The following CDH13 variants were observed in gnomAD, a reference collection of about 807,000 sequenced individuals.
CDH13 encodes cadherin 13, also known as cadherin-13.
Under a neutral mutation model 63.8 loss-of-function variants are expected in CDH13, and 24 were observed. The observed-to-expected ratio is 0.38, with a 90% CI of 0.27 to 0.53. The LOEUF is 0.53. CDH13 is among the 20% of genes least tolerant of loss of function. The pLI is 0.85. For missense variants in CDH13, 1,049 were observed against 903.1 expected, an observed-to-expected ratio of 1.16 and a Z score of -2.07; for synonymous variants, 503 against 355.3, an observed-to-expected ratio of 1.42 and a Z score of -4.67.
chr16:83,087,612 G>A (rs929675011), intron 3 of CDH13, among the ~76,000 whole-genome samples: 4 of 130,532 alleles, frequency 3.1e-5, no homozygotes, highest in Middle Eastern at 6.3e-3. Context: ...AGGTCACAGC[G>A]AGCCAAAACC....
intron 10 of CDH13, among the ~76,000 whole-genome samples, chr16:83,732,433 A>C (rs1449516507): frequency 6.6e-6 from 1 of 152,178 alleles, no homozygotes; most frequent in South Asian, 2.1e-4. Context: ...GTGGGAGGTG[A>C]GCAGTGATCA....
chr16:82,937,615 A>G (rs2042712063), intron 2 of CDH13, among the ~76,000 whole-genome samples: 1 of 152,240 alleles, frequency 6.6e-6, no homozygotes. Context: ...ATTGCAAGCC[A>G]GTTGCAAACA....
intron 1 of CDH13, among the ~76,000 whole-genome samples, chr16:82,797,964 C>G (rs1028779393): frequency 6.6e-6 from 1 of 152,102 alleles, no homozygotes; most frequent in Admixed American, 6.6e-5. Flanking sequence ...GTGTAGTGGT[C>G]TCTCCTGTCA....
intron 8 of CDH13, among the ~76,000 whole-genome samples, chr16:83,652,372 C>T (rs1276736039): frequency 6.6e-6 from 1 of 152,150 alleles, no homozygotes; most frequent in Non-Finnish European, 1.5e-5. Flanking sequence ...TGTCAATCTC[C>T]CTACAGCTCT....
intron 2 of CDH13, among the ~76,000 whole-genome samples, chr16:83,001,439 C>G (rs559775868): frequency 6.6e-6 from 1 of 152,356 alleles, no homozygotes; most frequent in South Asian, 2.1e-4. Context: ...ATTTTTTCAT[C>G]TCTTCCTGCT....
At chr16:83,311,995 C>A (rs1283562188) in intron 5 of CDH13, among the ~76,000 whole-genome samples, 2 of 151,450 alleles carry the variant, frequency 1.3e-5, no homozygotes, top group South Asian at 4.2e-4. Context: ...ATCACTTGAA[C>A]CCGGGAGGCG....
At chr16:83,202,416 G>A (rs1052284871) in intron 4 of CDH13, among the ~76,000 whole-genome samples, 25 of 152,182 alleles carry the variant, frequency 1.6e-4, no homozygotes, top group African/African-American at 5.1e-4. Flanking sequence ...CAATGGGGTG[G>A]GGGGCCCTGG....
At chr16:82,767,637 C>T (rs1567513905) in intron 1 of CDH13, among the ~76,000 whole-genome samples, 1 of 152,198 alleles carries the variant, frequency 6.6e-6, no homozygotes, top group Non-Finnish European at 1.5e-5. Context: ...CTTTCCATCA[C>T]TCCCTGGACT....
intron 6 of CDH13, among the ~76,000 whole-genome samples, chr16:83,434,495 C>G (rs1056578185): frequency 6.6e-6 from 1 of 152,058 alleles, no homozygotes; most frequent in Non-Finnish European, 1.5e-5. Context: ...CTCTCCCATG[C>G]CCACTGAAGT....
intron 4 of CDH13, among the ~76,000 whole-genome samples, chr16:83,179,904 A>C (rs199846181): frequency 6.8e-6 from 1 of 147,190 alleles, no homozygotes; most frequent in Non-Finnish European, 1.5e-5. Context: ...TTTTTTTTTT[A>C]ATTTATAAGT....
At chr16:83,293,920 CATT>C (rs1313531041) in intron 5 of CDH13, among the ~76,000 whole-genome samples, 2 of 152,132 alleles carry the variant, frequency 1.3e-5, no homozygotes, top group Non-Finnish European at 2.9e-5. Context: ...TGTATTATCT[CATT>C]TAACTCCCAT....
At chr16:83,323,462 G>A (rs78340799) in intron 5 of CDH13, among the ~76,000 whole-genome samples, 1,454 of 143,654 alleles carry the variant, frequency 0.01, 19 homozygotes, top group African/African-American at 0.035. Context: ...TGTATTTTTA[G>A]TATAAATACG....
At chr16:83,164,618 G>T (rs1567466075) in intron 4 of CDH13, among the ~76,000 whole-genome samples, 1 of 151,836 alleles carries the variant, frequency 6.6e-6, no homozygotes, top group African/African-American at 2.4e-5. Context: ...TACTCAGGAG[G>T]CTGAGGCAAG....
At position 83,575,830 on chromosome 16, in the gene CDH13, G is replaced by A. The variant is rs144367434; in HGVS notation, c.961-26624G>A. On this transcript the variant is annotated intron_variant, in intron 7 of 13. Transcript: ENST00000567109. ...GATTAATATCTGCCTCCCACACTGG[G>A]CTATAGTTTGTGTAAGAGCAAGGTC... Among the ~76,000 whole-genome samples, 547 of 152,214 alleles carry A rather than the reference G, an allele frequency of 3.6e-3. 4 individuals carry two copies. Among genetic ancestry groups the A allele is most frequent in the African/African-American group, 0.012 (512 of 41,532 alleles).
intron 5 of CDH13, among the ~76,000 whole-genome samples, chr16:83,318,492 G>C (rs2090152531): frequency 6.6e-6 from 1 of 152,182 alleles, no homozygotes; most frequent in Non-Finnish European, 1.5e-5. Flanking sequence ...GGTTTGATTT[G>C]AATGAAAGAT....
chr16:83,302,095 G>T (rs746635711), intron 5 of CDH13, among the ~76,000 whole-genome samples: 1 of 152,168 alleles, frequency 6.6e-6, no homozygotes, highest in Non-Finnish European at 1.5e-5. Flanking sequence ...GTTGTTGTGA[G>T]TACTACGTGA....
intron 1 of CDH13, chr16:82,829,750 ATATT>A (rs1372040006): frequency 6.6e-6 from 1 of 152,200 alleles, no homozygotes; most frequent in Admixed American, 6.5e-5. Context: ...TACTTTATAA[ATATT>A]AATTAATCTT....
At chr16:83,074,641 C>T (rs2032689071) in intron 3 of CDH13, among the ~76,000 whole-genome samples, 1 of 152,178 alleles carries the variant, frequency 6.6e-6, no homozygotes, top group Non-Finnish European at 1.5e-5. Context: ...TCCTTTTCTC[C>T]ACATCCTTGC....
intron 2 of CDH13, among the ~76,000 whole-genome samples, chr16:82,986,792 G>A (rs950732892): frequency 1.2e-4 from 18 of 152,224 alleles, no homozygotes; most frequent in South Asian, 4.2e-4. Context: ...TACAAATACC[G>A]CAAATGGGTG....
Sources: gnomAD v4.1 joint callset for allele counts (sites outside exome capture counted in the v4.1 genomes callset) on GRCh38, gnomAD v4.1.1 for gene constraint, MANE v1.5 for transcripts, NCBI Gene and HGNC (gene_info 2026-07-23, HGNC 2026-07-21) for gene names.